Variants in VRK2 observed in about 807,000 individuals in gnomAD.
The protein encoded by VRK2 is serine/threonine-protein kinase VRK2.
In VRK2, 60 loss-of-function variants were observed where a neutral mutation model predicts 57.6. That is an observed-to-expected ratio of 1.04 (90% confidence interval 0.85 to 1.29). VRK2 has a LOEUF of 1.29. VRK2 is among the 50% of genes most tolerant of loss of function. VRK2 has a pLI of 0.00. For synonymous variants in VRK2, 231 were observed against 199.2 expected (o/e 1.16, Z -1.35); for missense variants, 705 against 588.1 (o/e 1.20, Z -2.06).
chr2:57,924,837 G>T (rs1360690838), intron 1 of VRK2, among the ~76,000 whole-genome samples: 1 of 151,596 alleles, frequency 6.6e-6, no homozygotes, highest in Admixed American at 6.6e-5. Context: ...ACTAACTGTG[G>T]GTCTGTCATA....
At chr2:57,971,292 T>A (rs1239599505) in intron 1 of VRK2, among the ~76,000 whole-genome samples, 3 of 151,998 alleles carry the variant, frequency 2.0e-5, no homozygotes, top group African/African-American at 4.8e-5. Context: ...ACATGTAAAA[T>A]GTTGTATACC....
intron 1 of VRK2, among the ~76,000 whole-genome samples, chr2:57,977,713 T>C (rs1205451011): frequency 6.6e-6 from 1 of 151,208 alleles, no homozygotes; most frequent in African/African-American, 2.5e-5. Flanking sequence ...TTTTATTTCT[T>C]TTTCTTGCCT....
At chr2:58,110,355 A>G (rs1407284065) in intron 7 of VRK2, among the ~76,000 whole-genome samples, 2 of 152,202 alleles carry the variant, frequency 1.3e-5, no homozygotes, top group Non-Finnish European at 2.9e-5. Context: ...TTTCAATAAC[A>G]TACCATAATG....
intron 8 of VRK2, 51 bp downstream of exon 8, chr2:58,123,284 G>C (rs1019655449): frequency 6.4e-7 from 1 of 1,563,770 alleles, no homozygotes; most frequent in Non-Finnish European, 8.6e-7. Flanking sequence ...AATGATTAGA[G>C]ACAAGGGTAA....
At chr2:58,099,822 T>C (rs2104331913) in intron 7 of VRK2, among the ~76,000 whole-genome samples, 1 of 152,180 alleles carries the variant, frequency 6.6e-6, no homozygotes, top group East Asian at 1.9e-4. Context: ...GCAAATCACT[T>C]AACCTGTATA....
At position 58,106,432 on chromosome 2, in the gene VRK2, T is replaced by C. The variant is rs555685422; in HGVS notation, c.544-16669T>C. Among the ~76,000 whole-genome samples the C allele has an allele frequency of 1.6e-4, 24 of 152,132 alleles. No homozygotes were observed. The South Asian group carries it at 4.8e-3, about 30-fold the overall frequency. On this transcript the variant is annotated intron_variant, in intron 7 of 12. Transcript: ENST00000340157. ...TCATGAGGTCAAAATGCTATTATCA[T>C]TTATAATATTACTAAATATACATCA...
At chr2:58,120,780 C>CA (rs1362073973) in intron 7 of VRK2, among the ~76,000 whole-genome samples, 1 of 152,178 alleles carries the variant, frequency 6.6e-6, no homozygotes, top group Non-Finnish European at 1.5e-5. Flanking sequence ...CATTCCTTTG[C>CA]AGGATATTAG....
chr2:58,128,151 G>C (rs994132408), intron 8 of VRK2, among the ~76,000 whole-genome samples: 3 of 152,150 alleles, frequency 2.0e-5, no homozygotes, highest in African/African-American at 7.2e-5. Flanking sequence ...AATTTGGTCA[G>C]TGCTGCAGCT....
chr2:58,126,433 T>C (rs915758242), intron 8 of VRK2, among the ~76,000 whole-genome samples: 4 of 152,116 alleles, frequency 2.6e-5, no homozygotes, highest in African/African-American at 9.7e-5. Flanking sequence ...CATTCAGTCA[T>C]TACATCTAAG....
chr2:58,058,911 C>T (rs1387721612), intron 2 of VRK2, among the ~76,000 whole-genome samples: 19 of 152,008 alleles, frequency 1.2e-4, no homozygotes, highest in Admixed American at 1.3e-4. Context: ...TGTCCAAGAA[C>T]ACTTGAATTT....
intron 1 of VRK2, among the ~76,000 whole-genome samples, chr2:57,994,449 C>A (rs1672863670): frequency 6.6e-6 from 1 of 152,136 alleles, no homozygotes; most frequent in African/African-American, 2.4e-5. Flanking sequence ...CATCTACTGT[C>A]TACACAGTTC....
rs566601312 is a variant in VRK2, at chr2:58,051,160, A to G, written c.136+2193A>G. Among the ~76,000 whole-genome samples the G allele has an allele frequency of 3.4e-3, 519 of 151,998 alleles. 8 individuals carry two copies. Among genetic ancestry groups the G allele is most frequent in the African/African-American group, 0.012 (494 of 41,484 alleles). ...GTGCCCAGCCTACTTATTTTTTTTT[A>G]TTACCAAAATAATACTGTTTGTTTT... On this transcript the variant is annotated intron_variant, in intron 2 of 12. Transcript: ENST00000340157.
chr2:58,000,019 C>T (rs904204788), intron 1 of VRK2, among the ~76,000 whole-genome samples: 3 of 152,054 alleles, frequency 2.0e-5, no homozygotes, highest in Admixed American at 6.6e-5. Flanking sequence ...CACGCACACA[C>T]GCACACACGC....
intron 7 of VRK2, among the ~76,000 whole-genome samples, chr2:58,115,098 C>T (rs1168620933): frequency 6.6e-6 from 1 of 152,052 alleles, no homozygotes. Context: ...TTCTGAGAGG[C>T]GGGCTAGTGG....
At chr2:58,118,375 C>G (rs542494879) in intron 7 of VRK2, among the ~76,000 whole-genome samples, 1 of 152,184 alleles carries the variant, frequency 6.6e-6, no homozygotes, top group Non-Finnish European at 1.5e-5. Flanking sequence ...AGTCCGTGAC[C>G]GGCACCGGAG....
intron 9 of VRK2, among the ~76,000 whole-genome samples, chr2:58,134,661 T>TC (rs778824197): frequency 6.7e-6 from 1 of 148,678 alleles, no homozygotes; most frequent in Non-Finnish European, 1.5e-5. Context: ...CTTTGCTGGA[T>TC]CCCCCCGCCC....
intron 1 of VRK2, among the ~76,000 whole-genome samples, chr2:57,915,575 C>A (rs1670120580): frequency 6.6e-6 from 1 of 152,170 alleles, no homozygotes; most frequent in African/African-American, 2.4e-5. Flanking sequence ...CACTTCCCTA[C>A]CAAAGCAGAA....
At chr2:57,924,457 CTAGATATTTTATTTG>C (rs893467724) in intron 1 of VRK2, among the ~76,000 whole-genome samples, 1 of 151,786 alleles carries the variant, frequency 6.6e-6, no homozygotes, top group Non-Finnish European at 1.5e-5. Context: ...AAGGTAATTC[CTAGATATTTTATTTG>C]TAGCTATTAT....
chr2:57,919,625 A>G (rs1311891125), intron 1 of VRK2, among the ~76,000 whole-genome samples: 1 of 152,144 alleles, frequency 6.6e-6, no homozygotes, highest in Admixed American at 6.6e-5. Context: ...TCAGTAACAT[A>G]CAAATGTCTG....
Sources: gnomAD v4.1 joint callset for allele counts (sites outside exome capture counted in the v4.1 genomes callset) on GRCh38, gnomAD v4.1.1 for gene constraint, MANE v1.5 for transcripts, NCBI Gene and HGNC (gene_info 2026-07-23, HGNC 2026-07-21) for gene names.